PITX3: variants seen among roughly 807,000 people sequenced by gnomAD.
The protein encoded by PITX3 is pituitary homeobox 3.
PITX3 carries 4 observed loss-of-function variants against 14.2 expected under a neutral mutation model. The ratio of observed to expected loss-of-function variants is 0.28; its 90% CI spans 0.14 to 0.65. The LOEUF is 0.65. Among genes scored for constraint, PITX3 ranks in the 30% least tolerant of loss-of-function variants. The pLI is 0.82. For missense variants in PITX3, 358 were observed against 426.8 expected (o/e 0.84, Z 1.42); for synonymous variants, 194 against 204.5 (o/e 0.95, Z 0.44).
At chr10:102,238,260 A>G (rs1337502012) in intron 1 of PITX3, among the ~76,000 whole-genome samples, 1 of 152,158 alleles carries the variant, frequency 6.6e-6, no homozygotes, top group Non-Finnish European at 1.5e-5. Context: ...TTAGTCTAGG[A>G]GGCATCATTT....
rs759062659 is a variant in PITX3, at chr10:102,231,640, C to G, written c.269G>C (p.Ser90Thr). 20 of 1,612,332 alleles carry G rather than the reference C, an allele frequency of 1.2e-5. No individual in the cohort carries two copies. In the African/African-American group the frequency reaches 1.6e-4, roughly 13 times the overall value. Residue 90 changes from serine to threonine, a missense_variant, in exon 3 of 4, where the codon AGC becomes ACC. Ser to Thr is a moderately conservative substitution (Grantham distance 58). This residue lies in a region of PITX3 where 50 missense variants were observed against 96.7 expected (regional missense o/e 0.52). Coordinates refer to ENST00000370002, the MANE Select transcript of PITX3 (RefSeq NM_005029.4). ...TFQRNRYPDM[S>T]TREEIAVWTN... is the part of the protein sequence containing the mutation. ...CCACACGGCGATCTCCTCGCGCGTG[C>G]TCATGTCGGGGTAGCGGTTCCTCTG...
rs1367534199 is a variant in PITX3, at chr10:102,230,617, A to G, written c.806T>C (p.Leu269Pro). The G allele has an allele frequency of 6.2e-7, 1 of 1,609,804 alleles. No homozygotes were observed. The highest frequency in any genetic ancestry group is 8.5e-7 in the Non-Finnish European group (1 of 1,178,436). The change falls in exon 4 of 4, where the codon CTC becomes CCC. Residue 269 changes from leucine (L) to proline (P), a missense_variant. Transcript: ENST00000370002. The stretch of plus-strand genomic sequence containing the variant: ...GAAGGAGGCGTGCTGTTTGGCTTTG[A>G]GCCGCAGGCTGGCCAGGCTCGAGTT... Reference protein sequence around the residue: ...PCNSSLASLRLKAKQHASFSY... With the variant: ...PCNSSLASLRPKAKQHASFSY...
Position 102,230,632 on chromosome 10 carries a change from A to G in PITX3, c.791T>C (p.Leu264Pro). 6.2e-7 allele frequency: 1 copy of G among 1,606,960 alleles called. No individual in the cohort carries two copies. The highest frequency in any genetic ancestry group is 1.7e-5 in the Admixed American group (1 of 58,780). The stretch of plus-strand genomic sequence containing the variant: ...TTTGGCTTTGAGCCGCAGGCTGGCC[A>G]GGCTCGAGTTACACGGGTCCCGATA... ...YVYRDPCNSS[L>P]ASLRLKAKQH... The change falls in exon 4 of 4, where the codon CTG becomes CCG. Residue 264 changes from leucine to proline, a missense_variant. Leu to Pro is a moderately conservative substitution (Grantham distance 98). This residue lies in a region of PITX3 where 236 missense variants were observed against 250.2 expected (regional missense o/e 0.94). Coordinates refer to ENST00000370002, the MANE Select transcript of PITX3 (RefSeq NM_005029.4).
At chr10:102,235,187 A>AG (rs2070360231) in intron 1 of PITX3, among the ~76,000 whole-genome samples, 1 of 62,462 alleles carries the variant, frequency 1.6e-5, no homozygotes, top group Admixed American at 1.7e-4. Flanking sequence ...CCACCCCCCC[A>AG]CCGCCTCCCT....
At chr10:102,231,144 C>G (rs1198092432) in intron 3 of PITX3, 43 bp from the exon 4 acceptor site, 1 of 1,471,996 alleles carries the variant, frequency 6.8e-7, no homozygotes, top group Non-Finnish European at 8.9e-7. Flanking sequence ...GGGGCCGGGT[C>G]CCAGCGGCTG....
In PITX3 at chr10:102,231,624, G is replaced by A. The variant is rs2281983; in HGVS notation, c.285C>T (p.Ile95=). The change falls in exon 3 of 4, where the codon ATC becomes ATT. Residue 95 remains isoleucine (I), a synonymous_variant. Transcript: ENST00000370002. Reference sequence around the variant, plus strand: ...CCTCGGTGAGGTTGGTCCACACGGCGATCTCCTCGCGCGTGCTCATGTCGG... The same window carrying A: ...CCTCGGTGAGGTTGGTCCACACGGCAATCTCCTCGCGCGTGCTCATGTCGG... ...RYPDMSTREE[I]AVWTNLTEAR... 0.62 allele frequency: 1,003,836 copies of A among 1,608,126 alleles called. 315,660 individuals carry two copies. Among genetic ancestry groups the A allele is most frequent in the African/African-American group, 0.75 (56,282 of 74,916 alleles).
Position 102,230,736 on chromosome 10 carries a change from G to A in PITX3, c.687C>T (p.Ala229=), listed in dbSNP as rs1464296986. ...GGCAGGACACGGCCCCGGAGGACAC[G>A]GCGGCCGGAGCCAGCCCGGGGGGGC... ...GGGPPGLAPA[A]VSSGAVSCPY... is the part of the protein sequence containing the mutation. The change falls in exon 4 of 4, where the codon GCC becomes GCT. Residue 229 remains alanine (A), a synonymous_variant. Transcript: ENST00000370002. 6.7e-7 allele frequency: 1 copy of A among 1,499,744 alleles called. No homozygotes were observed. The highest frequency in any genetic ancestry group is 8.9e-7 in the Non-Finnish European group (1 of 1,126,950). The allele number at this position is 1,499,744 out of a possible 1,614,324, so 92.9% of individuals were successfully genotyped here.
At position 102,230,753 on chromosome 10, in the gene PITX3, CG is replaced by C; in HGVS notation, c.669del (p.Leu225TrpfsTer84). 24 of 1,489,030 alleles carry C rather than the reference CG, an allele frequency of 1.6e-5. No homozygotes were observed. The highest frequency in any genetic ancestry group is 8.0e-5 in the East Asian group (3 of 37,626). The allele number at this position is 1,489,030 out of a possible 1,614,324, so 92.2% of individuals were successfully genotyped here. A position where few individuals can be genotyped will look rare whatever the true frequency, so the allele number is the denominator to read the frequency against. On this transcript the variant is annotated frameshift_variant, in exon 4 of 4. Coordinates refer to ENST00000370002, the MANE Select transcript of PITX3 (RefSeq NM_005029.4). LOFTEE classifies it high-confidence loss of function. ...GAGGACACGGCGGCCGGAGCCAGCC[CG>C]GGGGGGCCCCCGCCCAGGCCCTGCA... Reference protein sequence around the residue: ...GALQGLGGGPPGLAPAAVSSG... With the variant: ...GALQGLGGGPXGLAPAAVSSG...
chr10:102,231,133 C>A, intron 3 of PITX3, 32 bp from the exon 4 acceptor site: 1 of 1,489,240 alleles, frequency 6.7e-7, no homozygotes, highest in Non-Finnish European at 8.9e-7. Flanking sequence ...GGTCAGGGCC[C>A]GGGGCCGGGT....
intron 1 of PITX3, among the ~76,000 whole-genome samples, chr10:102,236,706 C>T (rs1044071349): frequency 6.6e-6 from 1 of 152,208 alleles, no homozygotes; most frequent in African/African-American, 2.4e-5. Context: ...CCACTTAAGT[C>T]CTGAAGCCAG....
At chr10:102,236,201 C>T (rs940768656) in intron 1 of PITX3, among the ~76,000 whole-genome samples, 1 of 152,198 alleles carries the variant, frequency 6.6e-6, no homozygotes, top group African/African-American at 2.4e-5. Context: ...TAAGCTCCCC[C>T]AAACTGCTGG....
chr10:102,230,400 C>A lies in PITX3; in HGVS notation c.*114G>T. 1 of 1,472,272 alleles carries A rather than the reference C, an allele frequency of 6.8e-7. No individual in the cohort carries two copies. Among genetic ancestry groups the A allele is most frequent in the Non-Finnish European group, 9.1e-7 (1 of 1,099,132 alleles). The allele number at this position is 1,472,272 out of a possible 1,614,324, so 91.2% of individuals were successfully genotyped here. On this transcript the variant is annotated 3_prime_UTR_variant, in exon 4 of 4. Coordinates refer to ENST00000370002, the MANE Select transcript of PITX3 (RefSeq NM_005029.4). ...TCCTGAGCCGGTGCCCCCCAGCTGC[C>A]CAAACACCCCTTTCAGACCCTGGGG... is the stretch of plus-strand genomic sequence containing the variant.
At position 102,230,459 on chromosome 10, in the gene PITX3, C is replaced by T; in HGVS notation, c.*55G>A. On this transcript the variant is annotated 3_prime_UTR_variant, in exon 4 of 4. Coordinates refer to ENST00000370002, the MANE Select transcript of PITX3 (RefSeq NM_005029.4). ...AGCCAGTCAAAATGACCCCAGTCCG[C>T]GGAGGCTGTGAATCGTTGCCCCCGC... is the stretch of plus-strand genomic sequence containing the variant. 1.3e-6 allele frequency: 2 copies of T among 1,563,656 alleles called. No homozygotes were observed. Among genetic ancestry groups the T allele is most frequent in the Non-Finnish European group, 1.7e-6 (2 of 1,153,804 alleles).
At position 102,231,640 on chromosome 10, in the gene PITX3, C is replaced by T. The variant is rs759062659; in HGVS notation, c.269G>A (p.Ser90Asn). 4 of 1,612,330 alleles carry T rather than the reference C, an allele frequency of 2.5e-6. No individual in the cohort carries two copies. The African/African-American group carries it at 5.3e-5, about 22-fold the overall frequency. The change falls in exon 3 of 4, where the codon AGC (serine) becomes AAC (asparagine). Residue 90 changes from serine (S) to asparagine (N), a missense_variant. By Grantham distance (46) the Ser-to-Asn change is conservative. Around this residue, in one of 3 missense-constraint regions of PITX3, gnomAD observed 50 missense variants for 96.7 expected, o/e 0.52. Transcript: ENST00000370002. ...CCACACGGCGATCTCCTCGCGCGTG[C>T]TCATGTCGGGGTAGCGGTTCCTCTG... ...TFQRNRYPDMSTREEIAVWTN... is the reference protein window; with the variant it reads ...TFQRNRYPDMNTREEIAVWTN...
chr10:102,230,705 C>A lies in PITX3; in HGVS notation c.718G>T (p.Ala240Ser), dbSNP rs756879457. ...GCCGCGGCGGCGGCGGCGGCCGAGGCATAAGGGCAGGACACGGCCCCGGAG... is the reference window on the plus strand; with the variant it reads ...GCCGCGGCGGCGGCGGCGGCCGAGGAATAAGGGCAGGACACGGCCCCGGAG... Reference protein sequence around the residue: ...VSSGAVSCPYASAAAAAAAAA... With the variant: ...VSSGAVSCPYSSAAAAAAAAA... Residue 240 changes from alanine (A) to serine (S), a missense_variant, in exon 4 of 4, where the codon GCC (alanine) becomes TCC (serine). Coordinates refer to ENST00000370002, the MANE Select transcript of PITX3 (RefSeq NM_005029.4). The A allele has an allele frequency of 1.9e-6, 3 of 1,557,888 alleles. No homozygotes were observed. The highest frequency in any genetic ancestry group is 2.6e-6 in the Non-Finnish European group (3 of 1,151,496).
rs771635114 is a variant in PITX3, at chr10:102,232,000, C to G, written c.81G>C (p.Gln27His). The G allele has an allele frequency of 6.2e-7, 1 of 1,610,736 alleles. No homozygotes were observed. Among genetic ancestry groups the G allele is most frequent in the South Asian group, 1.1e-5 (1 of 91,034 alleles). Residue 27 changes from glutamine to histidine, a missense_variant, in exon 2 of 4, where the codon CAG becomes CAC. By Grantham distance (24) the Gln-to-His change is conservative. Around this residue, in one of 3 missense-constraint regions of PITX3, gnomAD observed 72 missense variants for 79.9 expected, o/e 0.90. Transcript: ENST00000370002. ...GGCCCTTGCAGCCGTGCTCTGGGAG[C>G]TGGGGGTGCGGAGTGCCAGCGTCTG... ...SLSDAGTPHP[Q>H]LPEHGCKGQE...
intron 1 of PITX3, among the ~76,000 whole-genome samples, chr10:102,236,283 C>T (rs889671495): frequency 1.3e-5 from 2 of 152,168 alleles, no homozygotes; most frequent in African/African-American, 4.8e-5. Context: ...GAAGAACAAG[C>T]AGTAGGTCTG....
At chr10:102,237,230 T>G (rs761206134) in intron 1 of PITX3, among the ~76,000 whole-genome samples, 1 of 152,078 alleles carries the variant, frequency 6.6e-6, no homozygotes, top group Non-Finnish European at 1.5e-5. Flanking sequence ...ACTCCCAGAC[T>G]GTGGGAGATC....
chr10:102,231,922 A>G, intron 2 of PITX3, 41 bp downstream of exon 2: 1 of 1,567,708 alleles, frequency 6.4e-7, no homozygotes, highest in African/African-American at 1.3e-5. Context: ...ACTGGGGATG[A>G]AGCTGTTATG....
Sources: gnomAD v4.1 joint callset for allele counts (sites outside exome capture counted in the v4.1 genomes callset) on GRCh38, gnomAD v4.1.1 for gene constraint, gnomAD v4.1.1 regional missense constraint, MANE v1.5 for transcripts, NCBI Gene and HGNC (gene_info 2026-07-23, HGNC 2026-07-21) for gene names.